Variants in KCTD2 observed in about 807,000 individuals in gnomAD.
The protein encoded by KCTD2 is potassium channel tetramerization domain containing 2, also known as BTB/POZ domain-containing protein KCTD2.
A neutral mutation model predicts 27.9 loss-of-function variants in KCTD2; 18 were observed. The ratio of observed to expected loss-of-function variants is 0.64; its 90% CI spans 0.45 to 0.96. The LOEUF is 0.96. KCTD2 is among the 40% of genes least tolerant of loss of function. The pLI is 0.00. For synonymous variants in KCTD2, 175 were observed against 148.4 expected (o/e 1.18, Z -1.30); for missense variants, 280 against 348.0 (o/e 0.80, Z 1.56).
At chr17:75,045,679 G>T (rs2073207992), upstream of KCTD2, among the ~76,000 whole-genome samples, 1 of 152,206 alleles carries the variant, frequency 6.6e-6, no homozygotes, top group Non-Finnish European at 1.5e-5. Context: ...CTTGTTCCCT[G>T]AACAATTGCT....
In KCTD2 at chr17:75,062,969, C is replaced by T. The variant is rs753978768; in HGVS notation, c.763-49C>T. On this transcript the variant is annotated intron_variant, in intron 5 of 5. Transcript: ENST00000322444. ...CAGTGGAAAGCATCCCCCGACATCTCTGTCTTTCCCTCAGCAGCCTCAGCC... is the reference window on the plus strand; with the variant it reads ...CAGTGGAAAGCATCCCCCGACATCTTTGTCTTTCCCTCAGCAGCCTCAGCC... 9 of 1,601,860 alleles carry T rather than the reference C, an allele frequency of 5.6e-6. No individual in the cohort carries two copies. In the Admixed American group the frequency reaches 1.0e-4, roughly 18 times the overall value.
At chr17:75,050,930 A>G (rs1042849858) in intron 2 of KCTD2, among the ~76,000 whole-genome samples, 8 of 150,042 alleles carry the variant, frequency 5.3e-5, no homozygotes, top group African/African-American at 2.0e-4. Context: ...CTCCTGCCTC[A>G]GCCTCCTGAG....
At chr17:75,055,904 G>C (rs539941994) in intron 3 of KCTD2, among the ~76,000 whole-genome samples, 1 of 151,814 alleles carries the variant, frequency 6.6e-6, no homozygotes, top group African/African-American at 2.4e-5. Context: ...GGTAGCGGGC[G>C]CCTATAATCC....
At chr17:75,059,303 C>G (rs2073380525) in intron 3 of KCTD2, 2 of 387,334 alleles carry the variant, frequency 5.2e-6, no homozygotes, top group Admixed American at 4.2e-5. Flanking sequence ...GGCTTGTGGT[C>G]ACTTAAAAAG....
intron 3 of KCTD2, chr17:75,041,584 G>A (rs138307477): frequency 0.029 from 4,381 of 152,666 alleles, 196 homozygotes; most frequent in African/African-American, 0.1. Flanking sequence ...CTGAGATTGC[G>A]CCACTGCACT....
intron 3 of KCTD2, chr17:75,039,916 C>T: frequency 4.3e-6 from 3 of 699,156 alleles, no homozygotes; most frequent in Non-Finnish European, 7.4e-6. Context: ...TTGTTGGCTT[C>T]TTTCACTCCG....
chr17:75,032,761 A>C lies in KCTD2; in HGVS notation c.-470+37A>C, dbSNP rs2040077711. 6.6e-6 allele frequency: 1 copy of C among 152,072 alleles called. No homozygotes were observed. The highest frequency in any genetic ancestry group is 2.4e-5 in the African/African-American group (1 of 41,354). 9.4% of individuals were successfully genotyped at this position (152,072 alleles called of 1,614,324 possible). A position where few individuals can be genotyped will look rare whatever the true frequency, so the allele number is the denominator to read the frequency against. ...CCCCGGGCGGGCGGGTTGGGGGAAC[A>C]TGCCTAGCTAGAGGGCGGCAGCAGG... is the stretch of plus-strand genomic sequence containing the variant. On this transcript the variant is annotated intron_variant, in intron 1 of 7. Coordinates refer to the KCTD2 transcript ENST00000581589. This position sits in a 1 kb window ranked among gnomAD's most constrained non-coding sequence, Gnocchi z 4.8.
At chr17:75,035,700 C>T (rs1013391497) in intron 3 of KCTD2, among the ~76,000 whole-genome samples, 11 of 152,222 alleles carry the variant, frequency 7.2e-5, no homozygotes, top group Admixed American at 3.3e-4. Context: ...CGTGGTGGCA[C>T]GCGCCTGTAA....
chr17:75,052,277 G>A (rs2073296118), intron 2 of KCTD2, among the ~76,000 whole-genome samples: 1 of 152,226 alleles, frequency 6.6e-6, no homozygotes, highest in African/African-American at 2.4e-5. Flanking sequence ...AGAGAGATTG[G>A]ATTTGCATTT....
At chr17:75,053,751 C>G (rs1042909624) in intron 3 of KCTD2, among the ~76,000 whole-genome samples, 2 of 149,784 alleles carry the variant, frequency 1.3e-5, no homozygotes, top group African/African-American at 4.9e-5. Flanking sequence ...CTTGGCCACT[C>G]TTTATGGAGA....
chr17:75,050,081 C>G (rs2073268845), intron 2 of KCTD2, among the ~76,000 whole-genome samples: 1 of 152,196 alleles, frequency 6.6e-6, no homozygotes, highest in Non-Finnish European at 1.5e-5. Context: ...TGCTCTCTCT[C>G]TCTTTTTTTA....
chr17:75,062,395 G>A, intron 5 of KCTD2, 150 bp downstream of exon 5: 1 of 738,936 alleles, frequency 1.4e-6, no homozygotes, highest in South Asian at 2.2e-5. Context: ...TTTGACTGTT[G>A]TAATTTAATT....
At chr17:75,057,215 A>G (rs971860910) in intron 3 of KCTD2, among the ~76,000 whole-genome samples, 2 of 151,870 alleles carry the variant, frequency 1.3e-5, no homozygotes, top group South Asian at 2.1e-4. Context: ...CAGCCTCCCA[A>G]AGTGCTGGGA....
At chr17:75,049,434 G>C (rs1844664477) in intron 2 of KCTD2, 106 bp downstream of exon 2, 1 of 701,980 alleles carries the variant, frequency 1.4e-6, no homozygotes, top group Non-Finnish European at 2.5e-6. Flanking sequence ...CGCATGTGCA[G>C]GTATAGTTTC....
chr17:75,044,721 CAG>C (rs1284560271), upstream of KCTD2, among the ~76,000 whole-genome samples: 2 of 152,092 alleles, frequency 1.3e-5, no homozygotes, highest in African/African-American at 4.8e-5. Flanking sequence ...AAAAAAAAGT[CAG>C]AATATAGGAA....
intron 3 of KCTD2, among the ~76,000 whole-genome samples, chr17:75,036,374 G>A (rs1304569326): frequency 6.6e-6 from 1 of 151,636 alleles, no homozygotes; most frequent in Non-Finnish European, 1.5e-5. Flanking sequence ...GCTCACCTCG[G>A]CCTCCCGAAG....
chr17:75,049,490 T>TCA (rs1215221254), intron 2 of KCTD2, among the ~76,000 whole-genome samples, 162 bp downstream of exon 2: 1 of 152,002 alleles, frequency 6.6e-6, no homozygotes, highest in Non-Finnish European at 1.5e-5. Context: ...TCTGAGGGAG[T>TCA]CATGATTAAG....
At position 75,054,906 on chromosome 17, in the gene KCTD2, CAGTA is replaced by C. The variant is rs147154361; in HGVS notation, c.540+1804_540+1807del. On this transcript the variant is annotated intron_variant, in intron 3 of 5. Coordinates refer to ENST00000322444, the MANE Select transcript of KCTD2 (RefSeq NM_015353.3). Reference sequence around the variant, plus strand: ...TAAGAAACTGCAACTACAGAGTTAACAGTAAGAAGGCAGAGTCGTGCTCCACCAT... The same window carrying C: ...TAAGAAACTGCAACTACAGAGTTAACAGAAGGCAGAGTCGTGCTCCACCAT... 3.0e-3 allele frequency among the ~76,000 whole-genome samples: 452 copies of C among 152,062 alleles called. 5 individuals are homozygous for C. Among genetic ancestry groups the C allele is most frequent in the African/African-American group, 0.01 (434 of 41,476 alleles).
chr17:75,062,315 G>A lies in KCTD2; in HGVS notation c.762+70G>A, dbSNP rs1292038433. 15 of 1,477,220 alleles carry A rather than the reference G, an allele frequency of 1.0e-5. No homozygotes were observed. The East Asian group carries it at 3.1e-4, about 30-fold the overall frequency. 91.5% of individuals were successfully genotyped at this position (1,477,220 alleles called of 1,614,324 possible). ...CGCACCCCCTCCGTGGGCTTTTCCT[G>A]AACTCTTGCTCCTCACTTCTTCCCT... On this transcript the variant is annotated intron_variant, in intron 5 of 5. Coordinates refer to ENST00000322444, the MANE Select transcript of KCTD2 (RefSeq NM_015353.3).
Sources: allele counts gnomAD v4.1 joint callset (sites outside exome capture counted in the v4.1 genomes callset), GRCh38; gene constraint gnomAD v4.1.1; non-coding constraint Gnocchi (gnomAD v3.1); transcripts MANE v1.5; gene names NCBI Gene and HGNC (gene_info 2026-07-23, HGNC 2026-07-21).